The following LMBR1 variants were observed in gnomAD, a reference collection of about 807,000 sequenced individuals.
The protein encoded by LMBR1 is limb development membrane protein 1.
A neutral mutation model predicts 73.9 loss-of-function variants in LMBR1; 52 were observed. The ratio of observed to expected loss-of-function variants is 0.70; its 90% CI spans 0.56 to 0.89. The LOEUF (loss-of-function observed/expected upper bound fraction) is 0.89. LMBR1 is among the 40% of genes least tolerant of loss of function. The pLI, the probability that LMBR1 is intolerant of heterozygous loss-of-function variation, is 0.00. For synonymous variants in LMBR1, 215 were observed against 209.4 expected (o/e 1.03, Z -0.23); for missense variants, 539 against 579.8 (o/e 0.93, Z 0.72).
At chr7:156,807,013 T>C (rs1832255629) in intron 4 of LMBR1, among the ~76,000 whole-genome samples, 1 of 150,126 alleles carries the variant, frequency 6.7e-6, no homozygotes, top group Non-Finnish European at 1.5e-5. Context: ...TTTTTCTGCA[T>C]GTATTGTTAC....
At chr7:156,717,857 C>T (rs984137254) in intron 15 of LMBR1, among the ~76,000 whole-genome samples, 9 of 152,174 alleles carry the variant, frequency 5.9e-5, no homozygotes, top group Non-Finnish European at 1.0e-4. Flanking sequence ...CACATATATA[C>T]ACACAAACAC....
At chr7:156,793,238 G>T (rs1829534251) in intron 5 of LMBR1, among the ~76,000 whole-genome samples, 1 of 152,146 alleles carries the variant, frequency 6.6e-6, no homozygotes, top group Non-Finnish European at 1.5e-5. Flanking sequence ...AACTTACACA[G>T]GTAGTTAACA....
chr7:156,793,106 G>A (rs895239310), intron 5 of LMBR1, among the ~76,000 whole-genome samples: 6 of 152,048 alleles, frequency 3.9e-5, no homozygotes, highest in Admixed American at 1.3e-4. Flanking sequence ...GTACTTATTC[G>A]CCAAATATGT....
In LMBR1 at chr7:156,870,073, A is replaced by G. The variant is rs150112923; in HGVS notation, c.66+22855T>C. Among the ~76,000 whole-genome samples, 558 of 152,336 alleles carry G rather than the reference A, an allele frequency of 3.7e-3. 6 individuals carry two copies. The highest frequency in any genetic ancestry group is 0.013 in the African/African-American group (536 of 41,568). On this transcript the variant is annotated intron_variant, in intron 1 of 16. Coordinates refer to ENST00000353442, the MANE Select transcript of LMBR1 (RefSeq NM_022458.4). Reference sequence around the variant, plus strand: ...GAGTACATAAATATATAAAGCAAACACTGACAGAACTAAAGGGAGAAATAA... The same window carrying G: ...GAGTACATAAATATATAAAGCAAACGCTGACAGAACTAAAGGGAGAAATAA...
intron 4 of LMBR1, among the ~76,000 whole-genome samples, chr7:156,811,619 A>G (rs1393346225): frequency 2.6e-5 from 4 of 152,172 alleles, no homozygotes; most frequent in African/African-American, 7.2e-5. Flanking sequence ...AAAAAAAAAA[A>G]AGAATTGTTT....
At chr7:156,865,122 CATAG>C (rs1798275038) in intron 1 of LMBR1, among the ~76,000 whole-genome samples, 1 of 151,422 alleles carries the variant, frequency 6.6e-6, no homozygotes, top group African/African-American at 2.4e-5. Flanking sequence ...GCCTGGGCAA[CATAG>C]AGAGACGCCA....
intron 4 of LMBR1, among the ~76,000 whole-genome samples, chr7:156,814,201 T>C (rs1384186950): frequency 6.6e-6 from 1 of 152,228 alleles, no homozygotes; most frequent in Non-Finnish European, 1.5e-5. Context: ...GATCTCTTTT[T>C]CTTTCTACAT....
intron 1 of LMBR1, among the ~76,000 whole-genome samples, chr7:156,837,410 GAA>G (rs1178783598): frequency 8.2e-6 from 1 of 122,628 alleles, no homozygotes. Flanking sequence ...AATACCATTT[GAA>G]AAAAAAAAAA....
intron 4 of LMBR1, among the ~76,000 whole-genome samples, chr7:156,808,037 T>C (rs893443972): frequency 1.3e-5 from 2 of 152,154 alleles, no homozygotes; most frequent in African/African-American, 4.8e-5. Context: ...TGGCAAAGAA[T>C]GTGATCTCTC....
chr7:156,820,782 T>G (rs1380792839), intron 4 of LMBR1, among the ~76,000 whole-genome samples: 1 of 152,152 alleles, frequency 6.6e-6, no homozygotes, highest in Non-Finnish European at 1.5e-5. Context: ...TGGTTTTGAG[T>G]ACAGCCCAGA....
intron 15 of LMBR1, among the ~76,000 whole-genome samples, chr7:156,716,892 A>T (rs1041510494): frequency 1.3e-5 from 2 of 152,156 alleles, no homozygotes; most frequent in African/African-American, 4.8e-5. Context: ...GCCTAGAGGG[A>T]GGATCACTTG....
At chr7:156,870,080 G>A (rs922598003) in intron 1 of LMBR1, among the ~76,000 whole-genome samples, 1 of 152,118 alleles carries the variant, frequency 6.6e-6, no homozygotes, top group Non-Finnish European at 1.5e-5. Flanking sequence ...AACACTGACA[G>A]AACTAAAGGG....
intron 15 of LMBR1, among the ~76,000 whole-genome samples, chr7:156,700,285 T>C (rs1283238104): frequency 1.3e-5 from 2 of 151,840 alleles, no homozygotes; most frequent in Non-Finnish European, 2.9e-5. Flanking sequence ...AGCAAACTAT[T>C]GCAAGGACAA....
intron 3 of LMBR1, 79 bp from the exon 4 acceptor site, chr7:156,826,823 C>A: frequency 7.6e-7 from 1 of 1,322,970 alleles, no homozygotes; most frequent in Non-Finnish European, 1.0e-6. Context: ...AATGCAAACT[C>A]TTTAATGTTT....
intron 3 of LMBR1, among the ~76,000 whole-genome samples, chr7:156,829,056 T>G (rs570157905): frequency 2.0e-5 from 3 of 152,268 alleles, no homozygotes; most frequent in South Asian, 4.1e-4. Flanking sequence ...ATCAAACGTT[T>G]AGCCAACTGG....
chr7:156,871,076 AAAGAG>A (rs1346837985), intron 1 of LMBR1, among the ~76,000 whole-genome samples: 3 of 152,082 alleles, frequency 2.0e-5, no homozygotes, highest in Non-Finnish European at 4.4e-5. Flanking sequence ...ACTAAGAAAA[AAAGAG>A]AAGACTCAAA....
intron 1 of LMBR1, among the ~76,000 whole-genome samples, chr7:156,849,965 C>T (rs1013861562): frequency 2.6e-5 from 4 of 152,124 alleles, no homozygotes; most frequent in African/African-American, 9.7e-5. Flanking sequence ...TACCTTCACC[C>T]AATTTTGCTG....
chr7:156,730,350 A>C (rs79444271), intron 10 of LMBR1, among the ~76,000 whole-genome samples: 4,008 of 152,292 alleles, frequency 0.026, 178 homozygotes, highest in African/African-American at 0.092. Flanking sequence ...AAAAACTAAA[A>C]TTCATTAAGA....
At chr7:156,686,909 C>T (rs1806125997) in intron 16 of LMBR1, among the ~76,000 whole-genome samples, 2 of 152,188 alleles carry the variant, frequency 1.3e-5, no homozygotes, top group African/African-American at 4.8e-5. Context: ...CTTTATTAAA[C>T]CTAAGCATTA....
Sources: allele counts gnomAD v4.1 joint callset (sites outside exome capture counted in the v4.1 genomes callset), GRCh38; gene constraint gnomAD v4.1.1; transcripts MANE v1.5; gene names NCBI Gene and HGNC (gene_info 2026-07-23, HGNC 2026-07-21).